Variants in CRISP2 observed in about 807,000 individuals in gnomAD.
CRISP2 encodes cysteine rich secretory protein 2, also known as cysteine-rich secretory protein 2.
Under a neutral mutation model 31.7 loss-of-function variants are expected in CRISP2, and 29 were observed. The ratio of observed to expected loss-of-function variants is 0.92; its 90% CI spans 0.68 to 1.25. The LOEUF is 1.25. Ranked by LOEUF, CRISP2 falls within the 50% of genes most tolerant of loss-of-function variation. The pLI, the probability that CRISP2 is intolerant of heterozygous loss-of-function variation, is 0.00. For missense variants in CRISP2, 318 were observed against 286.5 expected, an observed-to-expected ratio of 1.11 and a Z score of -0.79; for synonymous variants, 111 against 101.4, an observed-to-expected ratio of 1.09 and a Z score of -0.57.
Position 49,692,842 on chromosome 6 carries a change from A to C in CRISP2, c.663T>G (p.Ala221=). The stretch of plus-strand genomic sequence containing the variant: ...CCTTGAGTAACTCATGTTCACAGCC[A>C]GCTGTATTCTTCAAGGAATCACAGT... The part of the protein sequence containing the change: ...LSNCDSLKNT[A]GCEHELLKEK... The change falls in exon 10 of 10, where the codon GCT becomes GCG. Residue 221 remains alanine, a synonymous_variant. Transcript: ENST00000339139. 1.2e-6 allele frequency: 2 copies of C among 1,613,874 alleles called. No individual in the cohort carries two copies. The highest frequency in any genetic ancestry group is 1.7e-6 in the Non-Finnish European group (2 of 1,179,770).
rs1351627241 is a variant in CRISP2 at position 49,701,716 on chromosome 6, A to T, written c.67-932T>A. Among the ~76,000 whole-genome samples the T allele has an allele frequency of 5.4e-3, 332 of 61,878 alleles. 9 individuals carry two copies. The highest frequency in any genetic ancestry group is 0.018 in the African/African-American group (304 of 16,878). 40.6% of individuals were successfully genotyped at this position (61,878 alleles called of 152,430 possible). A position where few individuals can be genotyped will look rare whatever the true frequency, so the allele number is the denominator to read the frequency against. ...ATGTATACATTATGTATACATATAT[A>T]ATGTATATATAATGTATATATACAC... On this transcript the variant is annotated intron_variant, in intron 4 of 9. Transcript: ENST00000339139.
the CRISP2 span, among the ~76,000 whole-genome samples, chr6:49,683,706 T>A: frequency 5.2e-4 from 52 of 99,840 alleles, no homozygotes; most frequent in Non-Finnish European, 8.5e-4. Flanking sequence ...TATATATATA[T>A]ATATATATAT....
chr6:49,681,430 A>T, the CRISP2 span, among the ~76,000 whole-genome samples: 1 of 151,994 alleles, frequency 6.6e-6, no homozygotes, highest in African/African-American at 2.4e-5. Flanking sequence ...TAGATTAAGC[A>T]TTTTTTCAAC....
the CRISP2 span, among the ~76,000 whole-genome samples, chr6:49,685,103 C>A: frequency 3.3e-5 from 5 of 152,192 alleles, no homozygotes; most frequent in Admixed American, 2.0e-4. Flanking sequence ...CCCATGGCTG[C>A]CATTGCCTCA....
the CRISP2 span, among the ~76,000 whole-genome samples, chr6:49,682,591 C>CTTTCTTTCTT: frequency 1.4e-5 from 1 of 72,756 alleles, no homozygotes; most frequent in Non-Finnish European, 2.6e-5. Flanking sequence ...CTTTCTTTTT[C>CTTTCTTTCTT]TTTCTTTCTT....
At chr6:49,708,923 T>A (rs1394926103) in intron 4 of CRISP2, among the ~76,000 whole-genome samples, 1 of 152,200 alleles carries the variant, frequency 6.6e-6, no homozygotes, top group African/African-American at 2.4e-5. Context: ...AGTAGTCACA[T>A]GTGACCGGTG....
At chr6:49,690,514 T>C (rs189137668), downstream of CRISP2, among the ~76,000 whole-genome samples, 360 of 152,140 alleles carry the variant, frequency 2.4e-3, 1 homozygote, top group African/African-American at 8.0e-3. Flanking sequence ...CAATGAATTA[T>C]GGGAGCATGA....
intron 7 of CRISP2, 51 bp from the exon 8 acceptor site, chr6:49,698,008 A>G (rs941554812): frequency 9.6e-6 from 13 of 1,359,288 alleles, no homozygotes; most frequent in Middle Eastern, 1.9e-4. Context: ...GAGAAGATGA[A>G]AAATATTTAA....
At position 49,698,363 on chromosome 6, in the gene CRISP2, T is replaced by G; in HGVS notation, c.416A>C (p.Gln139Pro). 1 of 1,612,862 alleles carries G rather than the reference T, an allele frequency of 6.2e-7. No individual in the cohort carries two copies. Among genetic ancestry groups the G allele is most frequent in the South Asian group, 1.1e-5 (1 of 90,838 alleles). ...GGTATTTTCATGCATTCTTCTTACC[T>G]GAGTATAATGTCCAACAACTGCATT... Reference protein sequence around the residue: ...SPNAVVGHYTQLVWYSTYQVG... With the variant: ...SPNAVVGHYTPLVWYSTYQVG... The change falls in exon 7 of 10, where the codon CAG becomes CCG. Residue 139 changes from glutamine (Q) to proline (P), a missense_variant and splice_region_variant. Physicochemically the swap from Gln to Pro is moderately conservative, Grantham distance 76 (BLOSUM62 -1). Transcript: ENST00000339139.
At chr6:49,680,530 G>A in the CRISP2 span, among the ~76,000 whole-genome samples, 13 of 152,312 alleles carry the variant, frequency 8.5e-5, no homozygotes, top group Non-Finnish European at 7.3e-5. Context: ...TAATGGGATT[G>A]CTGAGTTGAA....
At chr6:49,683,522 G>T in the CRISP2 span, among the ~76,000 whole-genome samples, 3 of 150,114 alleles carry the variant, frequency 2.0e-5, no homozygotes, top group Admixed American at 2.0e-4. Flanking sequence ...AAATTAGCCG[G>T]GCACGGTGGC....
chr6:49,703,401 G>T (rs1228583590), intron 4 of CRISP2, among the ~76,000 whole-genome samples: 1 of 151,970 alleles, frequency 6.6e-6, no homozygotes, highest in Non-Finnish European at 1.5e-5. Flanking sequence ...TTTGTAGATT[G>T]CTTTTGGCAG....
At chr6:49,698,723 C>G (rs2127399611) in intron 6 of CRISP2, among the ~76,000 whole-genome samples, 1 of 152,204 alleles carries the variant, frequency 6.6e-6, no homozygotes, top group South Asian at 2.1e-4. Flanking sequence ...CCACATAAAA[C>G]TTTGAGTAGG....
the CRISP2 span, among the ~76,000 whole-genome samples, chr6:49,678,095 A>G: frequency 2.0e-5 from 3 of 152,142 alleles, no homozygotes; most frequent in Admixed American, 6.6e-5. Flanking sequence ...CAGGGTGAGT[A>G]CATCCAAAGA....
chr6:49,693,325 A>G (rs185329302), intron 9 of CRISP2, among the ~76,000 whole-genome samples: 7 of 152,286 alleles, frequency 4.6e-5, no homozygotes, highest in Admixed American at 4.6e-4. Context: ...TTGGTTTCTT[A>G]ATCTTGTTAG....
chr6:49,709,637 G>C (rs1229643450), intron 3 of CRISP2, among the ~76,000 whole-genome samples: 1 of 152,098 alleles, frequency 6.6e-6, no homozygotes, highest in South Asian at 2.1e-4. Context: ...AAAGTAAAAC[G>C]GTTTGTCCTT....
chr6:49,712,279 A>G (rs1768155277), intron 2 of CRISP2, among the ~76,000 whole-genome samples: 1 of 152,208 alleles, frequency 6.6e-6, no homozygotes, highest in South Asian at 2.1e-4. Context: ...ATAATAGGCC[A>G]TGATGCCATA....
chr6:49,677,209 G>T, the CRISP2 span, among the ~76,000 whole-genome samples: 1 of 152,038 alleles, frequency 6.6e-6, no homozygotes, highest in Admixed American at 6.6e-5. Context: ...TCTTGGCGAT[G>T]GTTTCATTCT....
At chr6:49,698,299 T>C in intron 7 of CRISP2, 63 bp downstream of exon 7, 1 of 1,565,206 alleles carries the variant, frequency 6.4e-7, no homozygotes, top group Non-Finnish European at 8.8e-7. Context: ...GTGGTCATAA[T>C]TTGGAGAAGC....
Sources: allele counts gnomAD v4.1 joint callset (sites outside exome capture counted in the v4.1 genomes callset), GRCh38; gene constraint gnomAD v4.1.1; transcripts MANE v1.5; gene names NCBI Gene and HGNC (gene_info 2026-07-23, HGNC 2026-07-21).